CACNA1C: variants seen among roughly 807,000 people sequenced by gnomAD.
CACNA1C encodes calcium voltage-gated channel subunit alpha1 C, also known as voltage-dependent L-type calcium channel subunit alpha-1C.
In CACNA1C, 30 loss-of-function variants were observed where a neutral mutation model predicts 229.0. That is an observed-to-expected ratio of 0.13 (90% CI 0.10 to 0.18). The LOEUF is 0.18. Ranked by LOEUF, CACNA1C falls within the 10% of genes least tolerant of loss-of-function variation. CACNA1C has a pLI of 1.00. For missense variants in CACNA1C, 1,658 were observed against 2,845.0 expected (o/e 0.58, Z 9.49); for synonymous variants, 1,114 against 1,132.5 (o/e 0.98, Z 0.33).
At chr12:2,344,022 C>T (rs7971505) in intron 3 of CACNA1C, among the ~76,000 whole-genome samples, 13,530 of 152,228 alleles carry the variant, frequency 0.089, 1,797 homozygotes, top group African/African-American at 0.29. Context: ...GTTGATCTGA[C>T]ATTGATAGTT....
chr12:2,024,613 A>G (rs2046998225), intron 1 of CACNA1C, among the ~76,000 whole-genome samples: 1 of 152,192 alleles, frequency 6.6e-6, no homozygotes, highest in Non-Finnish European at 1.5e-5. Flanking sequence ...ACCAGAACTC[A>G]GTCCACTGAA....
intron 3 of CACNA1C, among the ~76,000 whole-genome samples, chr12:2,255,063 A>G (rs74347853): frequency 0.046 from 7,062 of 152,226 alleles, 197 homozygotes; most frequent in Middle Eastern, 0.071. Context: ...GTGGCCCTGC[A>G]GATGCCACGG....
intron 3 of CACNA1C, among the ~76,000 whole-genome samples, chr12:2,336,032 A>C (rs1009452794): frequency 2.6e-5 from 4 of 151,842 alleles, no homozygotes; most frequent in African/African-American, 9.7e-5. Flanking sequence ...CAAAAAAAAA[A>C]AAAAAAAACA....
chr12:2,657,693 G>A (rs1314902293), intron 34 of CACNA1C, among the ~76,000 whole-genome samples: 1 of 152,176 alleles, frequency 6.6e-6, no homozygotes, highest in Non-Finnish European at 1.5e-5. Flanking sequence ...ATACTCTGAT[G>A]TTGGCTTTAA....
In CACNA1C at chr12:2,486,360, A is replaced by G; in HGVS notation, c.916+98A>G. ...TACACCAACATGACCAGCAGAGCCCAGGGAAGGCCCCATTCATTCAGACAC... is the reference window on the plus strand; with the variant it reads ...TACACCAACATGACCAGCAGAGCCCGGGGAAGGCCCCATTCATTCAGACAC... On this transcript the variant is annotated intron_variant, in intron 6 of 46. Transcript: ENST00000399655. The surrounding 1 kb of genome is among the most constrained non-coding windows in gnomAD (Gnocchi z 4.9). The G allele has an allele frequency of 2.0e-6, 2 of 982,760 alleles. No homozygotes were observed. Among genetic ancestry groups the G allele is most frequent in the Middle Eastern group, 3.0e-4 (1 of 3,376 alleles). The allele number at this position is 982,760 out of a possible 1,614,324, so 60.9% of individuals were successfully genotyped here. A position where few individuals can be genotyped will look rare whatever the true frequency, so the allele number is the denominator to read the frequency against.
Position 2,582,951 on chromosome 12 carries a change from T to C in CACNA1C, c.2224+9T>C. The C allele has an allele frequency of 6.4e-7, 1 of 1,550,594 alleles. No homozygotes were observed. The highest frequency in any genetic ancestry group is 8.7e-7 in the Non-Finnish European group (1 of 1,146,038). On this transcript the variant is annotated intron_variant, in intron 15 of 46. Coordinates refer to ENST00000399655, the MANE Select transcript of CACNA1C (RefSeq NM_000719.7). ...CTTCATCTGTGGAAACTGTATCCTT[T>C]GCTGCTGCCCCCCACCCCTGCGGCC... is the stretch of plus-strand genomic sequence containing the variant.
intron 3 of CACNA1C, among the ~76,000 whole-genome samples, chr12:2,167,747 T>G (rs1463499574): frequency 6.6e-6 from 1 of 152,138 alleles, no homozygotes; most frequent in Non-Finnish European, 1.5e-5. Context: ...CCCCAACCAT[T>G]TGCTCCTTCC....
chr12:2,210,580 G>A (rs1426107204), intron 3 of CACNA1C, among the ~76,000 whole-genome samples: 1 of 152,184 alleles, frequency 6.6e-6, no homozygotes, highest in African/African-American at 2.4e-5. Flanking sequence ...CAGTTCACGT[G>A]GTGCTTGTGC....
At chr12:2,137,633 A>G (rs577426031) in intron 3 of CACNA1C, among the ~76,000 whole-genome samples, 1 of 151,304 alleles carries the variant, frequency 6.6e-6, no homozygotes, top group South Asian at 2.1e-4. Context: ...CATTATTGTG[A>G]TCATTATTAC....
At chr12:2,173,581 A>G (rs774941245) in intron 3 of CACNA1C, among the ~76,000 whole-genome samples, 4 of 152,094 alleles carry the variant, frequency 2.6e-5, no homozygotes, top group Non-Finnish European at 5.9e-5. Flanking sequence ...TGCATGCTCT[A>G]TGTGCAGTGT....
chr12:2,560,761 C>T (rs1313118650), intron 11 of CACNA1C, among the ~76,000 whole-genome samples: 1 of 150,434 alleles, frequency 6.6e-6, no homozygotes, highest in Non-Finnish European at 1.5e-5. Flanking sequence ...CAAATTTGCC[C>T]CAATCTCTAA....
intron 1 of CACNA1C, among the ~76,000 whole-genome samples, chr12:2,082,896 G>A (rs1194730666): frequency 6.6e-6 from 1 of 152,190 alleles, no homozygotes; most frequent in East Asian, 1.9e-4. Context: ...ACACACATAT[G>A]TGTACATACA....
At chr12:2,027,768 C>T (rs1437158517) in intron 1 of CACNA1C, among the ~76,000 whole-genome samples, 1 of 152,162 alleles carries the variant, frequency 6.6e-6, no homozygotes, top group Non-Finnish European at 1.5e-5. Flanking sequence ...TGATGGGGAC[C>T]AGAGGAAATA....
At chr12:2,076,806 T>G (rs1046579177) in intron 1 of CACNA1C, among the ~76,000 whole-genome samples, 8 of 152,314 alleles carry the variant, frequency 5.3e-5, no homozygotes, top group African/African-American at 1.7e-4. Context: ...GTCACCCTGG[T>G]TGGAAGGCCC....
intron 9 of CACNA1C, among the ~76,000 whole-genome samples, chr12:2,529,283 A>C (rs1018790942): frequency 6.6e-6 from 1 of 152,104 alleles, no homozygotes; most frequent in African/African-American, 2.4e-5. Context: ...CCGCTCCTTC[A>C]TGCTCCCAGA....
intron 3 of CACNA1C, among the ~76,000 whole-genome samples, chr12:2,420,325 T>G (rs934271828): frequency 6.6e-6 from 1 of 152,132 alleles, no homozygotes; most frequent in Non-Finnish European, 1.5e-5. Flanking sequence ...ACCAGGGAGA[T>G]GCCACCAGGC....
intron 2 of CACNA1C, among the ~76,000 whole-genome samples, chr12:2,116,840 T>C (rs1002302979): frequency 6.6e-6 from 1 of 152,222 alleles, no homozygotes; most frequent in Non-Finnish European, 1.5e-5. Context: ...AGGACTGCTG[T>C]GTCTCTCAAG....
At chr12:2,323,027 C>G (rs1340121903) in intron 3 of CACNA1C, among the ~76,000 whole-genome samples, 1 of 152,134 alleles carries the variant, frequency 6.6e-6, no homozygotes, top group Non-Finnish European at 1.5e-5. Flanking sequence ...TCTTTCTTGT[C>G]CTCTCCATTT....
At chr12:2,336,232 C>T (rs1181199787) in intron 3 of CACNA1C, among the ~76,000 whole-genome samples, 2 of 152,214 alleles carry the variant, frequency 1.3e-5, no homozygotes, top group Non-Finnish European at 2.9e-5. Flanking sequence ...GCACTAGGCA[C>T]GATTATTCCA....
Sources: allele counts gnomAD v4.1 joint callset (sites outside exome capture counted in the v4.1 genomes callset), GRCh38; gene constraint gnomAD v4.1.1; non-coding constraint Gnocchi (gnomAD v3.1); transcripts MANE v1.5; gene names NCBI Gene and HGNC (gene_info 2026-07-23, HGNC 2026-07-21).